Variants in IFT80 observed in about 807,000 individuals in gnomAD.
IFT80 encodes intraflagellar transport protein 80 homolog.
IFT80 carries 79 observed loss-of-function variants against 107.9 expected under a neutral mutation model. The observed-to-expected ratio is 0.73, with a 90% CI of 0.61 to 0.88. The LOEUF (loss-of-function observed/expected upper bound fraction) is 0.88, where lower values mean the gene tolerates loss of function less well. Among genes scored for constraint, IFT80 ranks in the 40% least tolerant of loss-of-function variants. IFT80 has a pLI of 0.00. For synonymous variants in IFT80, 299 were observed against 300.9 expected (o/e 0.99, Z 0.07); for missense variants, 797 against 914.2 (o/e 0.87, Z 1.65).
chr3:160,349,481 A>C (rs1469401253), intron 8 of IFT80, among the ~76,000 whole-genome samples: 6 of 152,024 alleles, frequency 3.9e-5, no homozygotes, highest in Admixed American at 3.9e-4. Context: ...ACTGCACCTC[A>C]ACTAAAAATT....
intron 19 of IFT80, among the ~76,000 whole-genome samples, chr3:160,267,671 G>C (rs956575875): frequency 6.6e-6 from 1 of 152,046 alleles, no homozygotes; most frequent in East Asian, 1.9e-4. Context: ...TAGGCAATGG[G>C]GCAAACTCAT....
intron 18 of IFT80, among the ~76,000 whole-genome samples, chr3:160,270,246 C>T (rs1713693598): frequency 1.3e-5 from 2 of 152,258 alleles, no homozygotes; most frequent in Non-Finnish European, 2.9e-5. Flanking sequence ...AGTGATCTGC[C>T]TGCCTTGGCC....
At chr3:160,285,765 T>C (rs761716690) in intron 13 of IFT80, 39 bp downstream of exon 13, 31 of 1,212,528 alleles carry the variant, frequency 2.6e-5, no homozygotes, top group Admixed American at 5.4e-5. Flanking sequence ...AATAAATAAA[T>C]AGTGGCTATT....
chr3:160,358,959 C>T (rs543609132), intron 6 of IFT80, among the ~76,000 whole-genome samples: 10 of 152,152 alleles, frequency 6.6e-5, no homozygotes, highest in East Asian at 5.8e-4. Flanking sequence ...TTTTATTCAA[C>T]GAATAAATAA....
At chr3:160,392,109 A>G (rs1213459415) in intron 1 of IFT80, among the ~76,000 whole-genome samples, 1 of 152,188 alleles carries the variant, frequency 6.6e-6, no homozygotes, top group East Asian at 1.9e-4. Context: ...ACTATGTGGG[A>G]TTTCTTTTCA....
At chr3:160,282,870 C>T (rs1005463436) in intron 13 of IFT80, among the ~76,000 whole-genome samples, 1 of 152,102 alleles carries the variant, frequency 6.6e-6, no homozygotes, top group Non-Finnish European at 1.5e-5. Flanking sequence ...TTTTGATATT[C>T]TGTAGGCTGA....
chr3:160,281,839 G>T (rs1477983462), intron 14 of IFT80, among the ~76,000 whole-genome samples: 1 of 152,198 alleles, frequency 6.6e-6, no homozygotes, highest in Non-Finnish European at 1.5e-5. Flanking sequence ...CCCAAGGGAA[G>T]AATTAGGGCA....
intron 8 of IFT80, among the ~76,000 whole-genome samples, chr3:160,351,664 TACAC>T (rs1328043172): frequency 1.3e-5 from 2 of 148,832 alleles, no homozygotes; most frequent in African/African-American, 4.9e-5. Flanking sequence ...TATGCATACA[TACAC>T]ACATAAATAA....
At chr3:160,377,227 G>A (rs959291161) in intron 4 of IFT80, among the ~76,000 whole-genome samples, 3 of 152,106 alleles carry the variant, frequency 2.0e-5, no homozygotes, top group African/African-American at 7.2e-5. Context: ...TTCTTTGACA[G>A]AACAGTCTCC....
At chr3:160,395,925 C>T (rs964077208) in intron 1 of IFT80, among the ~76,000 whole-genome samples, 2 of 152,148 alleles carry the variant, frequency 1.3e-5, no homozygotes, top group Non-Finnish European at 2.9e-5. Context: ...CTTCTTCTTA[C>T]ATTCTAAAAA....
At chr3:160,318,288 T>C (rs7620828) in intron 9 of IFT80, among the ~76,000 whole-genome samples, 60,307 of 151,692 alleles carry the variant, frequency 0.4, 12,872 homozygotes, top group Non-Finnish European at 0.49. Context: ...TTATTAGTAA[T>C]CTAGTGACAA....
chr3:160,310,381 C>A (rs1338896360), intron 9 of IFT80, among the ~76,000 whole-genome samples: 2 of 152,012 alleles, frequency 1.3e-5, no homozygotes, highest in Non-Finnish European at 1.5e-5. Flanking sequence ...ACATCAATGA[C>A]AAGAAAAAAG....
intron 8 of IFT80, among the ~76,000 whole-genome samples, chr3:160,325,041 G>C (rs1462829352): frequency 3.3e-5 from 5 of 150,790 alleles, no homozygotes; most frequent in Non-Finnish European, 5.9e-5. Flanking sequence ...TTGCTTCAAA[G>C]AGAATAAAAT....
At chr3:160,307,058 G>C (rs1215876845) in intron 10 of IFT80, among the ~76,000 whole-genome samples, 1 of 152,096 alleles carries the variant, frequency 6.6e-6, no homozygotes, top group Non-Finnish European at 1.5e-5. Flanking sequence ...GAGTTTTCTG[G>C]ATAGTTGAGG....
chr3:160,398,938 A>C (rs2108433795), intron 1 of IFT80, among the ~76,000 whole-genome samples: 1 of 152,266 alleles, frequency 6.6e-6, no homozygotes, highest in Non-Finnish European at 1.5e-5. Context: ...TCACGAATCC[A>C]GGTCTTCCAG....
At chr3:160,361,848 A>G (rs1339598518) in intron 6 of IFT80, among the ~76,000 whole-genome samples, 4 of 152,244 alleles carry the variant, frequency 2.6e-5, no homozygotes, top group Non-Finnish European at 2.9e-5. Flanking sequence ...GACACAATGT[A>G]CCAGAATCTT....
intron 11 of IFT80, among the ~76,000 whole-genome samples, chr3:160,302,106 T>C (rs1458602536): frequency 1.3e-5 from 2 of 152,064 alleles, no homozygotes; most frequent in African/African-American, 4.8e-5. Flanking sequence ...GGTGTGCCTG[T>C]TTCCTTCATG....
chr3:160,361,090 A>G (rs1559960778), intron 6 of IFT80, among the ~76,000 whole-genome samples: 1 of 152,218 alleles, frequency 6.6e-6, no homozygotes, highest in Admixed American at 6.5e-5. Context: ...GGCAAATTGG[A>G]TGAAGAATCA....
At chr3:160,307,333 G>C (rs1559930446) in intron 10 of IFT80, among the ~76,000 whole-genome samples, 2 of 152,096 alleles carry the variant, frequency 1.3e-5, no homozygotes, top group Non-Finnish European at 2.9e-5. Context: ...ATTTTTTGTA[G>C]AGATGCGGTC....
Sources: allele counts gnomAD v4.1 joint callset (sites outside exome capture counted in the v4.1 genomes callset), GRCh38; gene constraint gnomAD v4.1.1; transcripts MANE v1.5; gene names NCBI Gene and HGNC (gene_info 2026-07-23, HGNC 2026-07-21).